The following TMEM53 variants were observed in gnomAD, a reference collection of about 807,000 sequenced individuals.
TMEM53 encodes the protein novel DUF829 domain-containing protein.
TMEM53 carries 14 observed loss-of-function variants against 21.4 expected under a neutral mutation model. The observed-to-expected ratio is 0.65, with a 90% CI of 0.43 to 1.02. The LOEUF (loss-of-function observed/expected upper bound fraction) is 1.02, where lower values mean the gene tolerates loss of function less well. TMEM53 is among the 50% of genes least tolerant of loss of function. The probability of loss-of-function intolerance (pLI) is 0.00; values close to 1 mark genes in which losing one functional copy is unlikely to be tolerated. For missense variants in TMEM53, 323 were observed against 383.6 expected, an observed-to-expected ratio of 0.84 and a Z score of 1.32; for synonymous variants, 148 against 157.4, an observed-to-expected ratio of 0.94 and a Z score of 0.45.
At chr1:44,667,636 A>G (rs1644961195) in intron 1 of TMEM53, among the ~76,000 whole-genome samples, 1 of 152,168 alleles carries the variant, frequency 6.6e-6, no homozygotes, top group African/African-American at 2.4e-5. Flanking sequence ...ATAGAAAAAA[A>G]TACATCAAAT....
intron 1 of TMEM53, among the ~76,000 whole-genome samples, chr1:44,671,439 T>C (rs1352441742): frequency 6.6e-6 from 1 of 152,218 alleles, no homozygotes; most frequent in Non-Finnish European, 1.5e-5. Context: ...TGATGGGCTC[T>C]GTGGTTTCGA....
At position 44,674,106 on chromosome 1, in the gene TMEM53, C is replaced by T. The variant is rs1023895547; in HGVS notation, c.61+225G>A. ...AGAAAAAGAGGTCCCAAGCGAGCAG[C>T]TGACTCGGGCAGAGGCGGGGCTCGC... On this transcript the variant is annotated intron_variant, in intron 1 of 2. Coordinates refer to ENST00000372237, the MANE Select transcript of TMEM53 (RefSeq NM_024587.4). 8 of 985,284 alleles carry T rather than the reference C, an allele frequency of 8.1e-6. No individual in the cohort carries two copies. In the African/African-American group the frequency reaches 1.4e-4, roughly 17 times the overall value. 61.0% of individuals were successfully genotyped at this position (985,284 alleles called of 1,614,324 possible).
chr1:44,661,934 T>C (rs965455017), intron 1 of TMEM53, among the ~76,000 whole-genome samples: 7 of 152,178 alleles, frequency 4.6e-5, no homozygotes, highest in African/African-American at 1.7e-4. Flanking sequence ...GGGGGACTTC[T>C]GTACAAGGAC....
chr1:44,654,486 C>A lies in TMEM53; in HGVS notation c.*73G>T. On this transcript the variant is annotated 3_prime_UTR_variant, in exon 3 of 3. Transcript: ENST00000372237. This position sits in a 1 kb window ranked among gnomAD's most constrained non-coding sequence, Gnocchi z 7.0. ...TACAGGGAGTTGAACGAGAAGAGTG[C>A]CCGACAGATTGCAGGTTGTGGGGAG... 4 of 1,528,218 alleles carry A rather than the reference C, an allele frequency of 2.6e-6. No individual in the cohort carries two copies. Among genetic ancestry groups the A allele is most frequent in the Non-Finnish European group, 3.5e-6 (4 of 1,127,028 alleles). 94.7% of individuals were successfully genotyped at this position (1,528,218 alleles called of 1,614,324 possible).
chr1:44,656,771 T>G (rs544967121), intron 2 of TMEM53, among the ~76,000 whole-genome samples: 1 of 152,090 alleles, frequency 6.6e-6, no homozygotes, highest in Admixed American at 6.5e-5. Context: ...CCCAACACTT[T>G]GGGAGGCTGA....
intron 1 of TMEM53, among the ~76,000 whole-genome samples, chr1:44,663,083 C>T (rs2148533529): frequency 6.6e-6 from 1 of 152,318 alleles, no homozygotes; most frequent in South Asian, 2.1e-4. Flanking sequence ...GATAGGGTCT[C>T]GCTCTGTTGC....
In TMEM53 at chr1:44,674,456, ACCCGGGCGCCT is replaced by A; in HGVS notation, c.-76_-66del. The A allele has an allele frequency of 6.5e-7, 1 of 1,531,858 alleles. No homozygotes were observed. Among genetic ancestry groups the A allele is most frequent in the Non-Finnish European group, 8.8e-7 (1 of 1,133,004 alleles). 94.9% of individuals were successfully genotyped at this position (1,531,858 alleles called of 1,614,324 possible). A position where few individuals can be genotyped will look rare whatever the true frequency, so the allele number is the denominator to read the frequency against. On this transcript the variant is annotated 5_prime_UTR_variant, in exon 1 of 3. Coordinates refer to ENST00000372237, the MANE Select transcript of TMEM53 (RefSeq NM_024587.4). ...ACTCCCGCTTGCGCACCCGTGCCTC[ACCCGGGCGCCT>A]CCTGGGCGCCGCCCAATCACCACAC...
chr1:44,660,062 TG>T, intron 2 of TMEM53, 111 bp downstream of exon 2: 1 of 1,345,444 alleles, frequency 7.4e-7, no homozygotes, highest in Non-Finnish European at 1.0e-6. Context: ...TTGACCATGT[TG>T]GCCAGGCTGG....
intron 1 of TMEM53, chr1:44,674,019 C>T: frequency 3.0e-6 from 3 of 985,484 alleles, no homozygotes; most frequent in Non-Finnish European, 3.6e-6. Context: ...CAGCTTTCGG[C>T]AGCCTTCAGC....
At chr1:44,669,567 C>G (rs1310473655) in intron 1 of TMEM53, among the ~76,000 whole-genome samples, 1 of 152,164 alleles carries the variant, frequency 6.6e-6, no homozygotes, top group Non-Finnish European at 1.5e-5. Flanking sequence ...TGTTCTTCAT[C>G]TGTAAAACAG....
chr1:44,667,596 C>T (rs1033055291), intron 1 of TMEM53, among the ~76,000 whole-genome samples: 2 of 151,988 alleles, frequency 1.3e-5, no homozygotes, highest in Admixed American at 1.3e-4. Flanking sequence ...GCATGAGTCA[C>T]CGCGCCCAGC....
Position 44,655,695 on chromosome 1 carries a change from C to T in TMEM53, c.184-486G>A, listed in dbSNP as rs920269095. On this transcript the variant is annotated intron_variant, in intron 2 of 2. Coordinates refer to ENST00000372237, the MANE Select transcript of TMEM53 (RefSeq NM_024587.4). The surrounding 1 kb of genome is among the most constrained non-coding windows in gnomAD (Gnocchi z 4.4). ...GTAGTACCCCCATGAGACCAGTACC[C>T]GAGAGCTGGCCTGCAGGCGCCAGCC... 6.6e-5 allele frequency among the ~76,000 whole-genome samples: 10 copies of T among 152,190 alleles called. No homozygotes were observed. In the East Asian group the frequency reaches 7.7e-4, roughly 12 times the overall value.
chr1:44,669,776 C>G (rs1573234032), intron 1 of TMEM53, among the ~76,000 whole-genome samples: 1 of 150,708 alleles, frequency 6.6e-6, no homozygotes, highest in East Asian at 1.9e-4. Flanking sequence ...TGGCATAGAG[C>G]AGACACTTAG....
At chr1:44,658,046 C>A (rs1644865478) in intron 2 of TMEM53, among the ~76,000 whole-genome samples, 1 of 152,092 alleles carries the variant, frequency 6.6e-6, no homozygotes, top group South Asian at 2.1e-4. Context: ...CATCTTTACC[C>A]CTGCCCTGTA....
rs35618807 is a variant in TMEM53, at chr1:44,659,855, CTTTTT to C, written c.183+314_183+318del. On this transcript the variant is annotated intron_variant, in intron 2 of 2. Coordinates refer to ENST00000372237, the MANE Select transcript of TMEM53 (RefSeq NM_024587.4). ...ATAACCCCATGGCCTTCCTCACAGG[CTTTTT>C]TTTTTTTTTTTTTTTTTGAGACGGA... Among the ~76,000 whole-genome samples the C allele has an allele frequency of 1.5e-3, 162 of 106,934 alleles. 3 individuals are homozygous for C. The East Asian group carries it at 0.039, about 26-fold the overall frequency. The allele number at this position is 106,934 out of a possible 152,430, so 70.2% of individuals were successfully genotyped here. A position where few individuals can be genotyped will look rare whatever the true frequency, so the allele number is the denominator to read the frequency against.
At position 44,655,679 on chromosome 1, in the gene TMEM53, C is replaced by T. The variant is rs1644843029; in HGVS notation, c.184-470G>A. Among the ~76,000 whole-genome samples the T allele has an allele frequency of 6.6e-6, 1 of 152,126 alleles. No individual in the cohort carries two copies. The highest frequency in any genetic ancestry group is 1.5e-5 in the Non-Finnish European group (1 of 68,020). On this transcript the variant is annotated intron_variant, in intron 2 of 2. Coordinates refer to ENST00000372237, the MANE Select transcript of TMEM53 (RefSeq NM_024587.4). This position sits in a 1 kb window ranked among gnomAD's most constrained non-coding sequence, Gnocchi z 4.4. ...TACCTCCCAGACAGAAGTAGTACCC[C>T]CATGAGACCAGTACCCGAGAGCTGG...
intron 1 of TMEM53, among the ~76,000 whole-genome samples, chr1:44,661,607 A>G (rs144580359): frequency 5.2e-4 from 79 of 152,254 alleles, no homozygotes; most frequent in Non-Finnish European, 1.0e-3. Flanking sequence ...GCCAGAGAAT[A>G]GCCTATATTT....
chr1:44,653,812 A>C lies in TMEM53; in HGVS notation c.*747T>G, dbSNP rs1264353094. 1 of 152,272 alleles carries C rather than the reference A, an allele frequency of 6.6e-6. No homozygotes were observed. The highest frequency in any genetic ancestry group is 2.4e-5 in the African/African-American group (1 of 41,456). The allele number at this position is 152,272 out of a possible 1,614,324, so 9.4% of individuals were successfully genotyped here. On this transcript the variant is annotated 3_prime_UTR_variant, in exon 3 of 3. Coordinates refer to ENST00000372237, the MANE Select transcript of TMEM53 (RefSeq NM_024587.4). ...CCCCACAAAGGTCACCTTCCATTCA[A>C]GGAATCAAAACTCAACTCTGGTAAC...
In TMEM53 at chr1:44,673,678, A is replaced by C. The variant is rs80055457; in HGVS notation, c.61+653T>G. On this transcript the variant is annotated intron_variant, in intron 1 of 2. Coordinates refer to ENST00000372237, the MANE Select transcript of TMEM53 (RefSeq NM_024587.4). ...ATGCCAGGCCCTTTACACAATCTCCAGATGGCCCCAACAGCCCTATGAGGA... is the reference window on the plus strand; with the variant it reads ...ATGCCAGGCCCTTTACACAATCTCCCGATGGCCCCAACAGCCCTATGAGGA... The C allele has an allele frequency of 3.0e-3, 608 of 203,082 alleles. 2 individuals carry two copies. Among genetic ancestry groups the C allele is most frequent in the African/African-American group, 0.014 (592 of 42,520 alleles). The allele number at this position is 203,082 out of a possible 1,614,324, so 12.6% of individuals were successfully genotyped here. A position where few individuals can be genotyped will look rare whatever the true frequency, so the allele number is the denominator to read the frequency against.
Sources: gnomAD v4.1 joint callset for allele counts (sites outside exome capture counted in the v4.1 genomes callset) on GRCh38, gnomAD v4.1.1 for gene constraint, Gnocchi (gnomAD v3.1) non-coding constraint, MANE v1.5 for transcripts, NCBI Gene and HGNC (gene_info 2026-07-23, HGNC 2026-07-21) for gene names.